The following MSRB3 variants were observed in gnomAD, a reference collection of about 807,000 sequenced individuals.
MSRB3 encodes methionine sulfoxide reductase B3.
MSRB3 carries 13 observed loss-of-function variants against 21.0 expected under a neutral mutation model. The observed-to-expected ratio is 0.62, with a 90% CI of 0.40 to 0.98. The LOEUF (loss-of-function observed/expected upper bound fraction) is 0.98. Ranked by LOEUF, MSRB3 falls within the 50% of genes least tolerant of loss-of-function variation. MSRB3 has a pLI of 0.00. For synonymous variants in MSRB3, 87 were observed against 88.6 expected (o/e 0.98, Z 0.10); for missense variants, 199 against 230.3 (o/e 0.86, Z 0.88).
At chr12:65,453,899 G>T in intron 6 of MSRB3, 74 bp downstream of exon 6, 3 of 1,185,084 alleles carry the variant, frequency 2.5e-6, no homozygotes, top group Non-Finnish European at 3.8e-6. Context: ...AGCAACTAAG[G>T]CCAAGCGACT....
chr12:65,428,566 A>G (rs117421122), intron 5 of MSRB3, among the ~76,000 whole-genome samples: 321 of 152,302 alleles, frequency 2.1e-3, no homozygotes, highest in Non-Finnish European at 3.6e-3. Context: ...CCCTTCCTTA[A>G]TTAAGTGAGT....
chr12:65,451,379 C>G (rs1038870541), intron 5 of MSRB3, among the ~76,000 whole-genome samples: 2 of 152,168 alleles, frequency 1.3e-5, no homozygotes, highest in African/African-American at 4.8e-5. Context: ...GACCTGCACT[C>G]TGTTTCAACC....
chr12:65,401,477 T>A lies in MSRB3; in HGVS notation c.292+32451T>A, dbSNP rs980705092. ...CATTTGCTTGGTAAATCTTCCTCCA[T>A]CCTTTTATTTTGAGCTTATATGTGT... On this transcript the variant is annotated intron_variant, in intron 5 of 6. Coordinates refer to ENST00000308259, the MANE Select transcript of MSRB3 (RefSeq NM_001031679.3). Among the ~76,000 whole-genome samples, 8 of 152,166 alleles carry A rather than the reference T, an allele frequency of 5.3e-5. No individual in the cohort carries two copies. In the East Asian group the frequency reaches 1.5e-3, roughly 29 times the overall value.
intron 1 of MSRB3, chr12:65,279,085 TC>T (rs1565811242): frequency 7.2e-7 from 1 of 1,389,050 alleles, no homozygotes; most frequent in Non-Finnish European, 9.3e-7. Flanking sequence ...AGGGCTGGTT[TC>T]CCCCCACCCG....
intron 6 of MSRB3, chr12:65,454,031 C>A: frequency 1.5e-6 from 1 of 666,442 alleles, no homozygotes; most frequent in East Asian, 2.7e-5. Flanking sequence ...AGCCTGTAAT[C>A]CCATACTTTG....
chr12:65,423,420 G>T (rs955600481), intron 5 of MSRB3, among the ~76,000 whole-genome samples: 3 of 152,104 alleles, frequency 2.0e-5, no homozygotes, highest in African/African-American at 7.2e-5. Flanking sequence ...AGGCACCCTT[G>T]TCTTGTTTCA....
chr12:65,383,713 T>A (rs1262786078), intron 5 of MSRB3, among the ~76,000 whole-genome samples: 1 of 150,466 alleles, frequency 6.6e-6, no homozygotes, highest in Non-Finnish European at 1.5e-5. Context: ...TGGGCTAGAG[T>A]GCAGTGGCAT....
At chr12:65,345,967 G>A (rs1034935576) in intron 4 of MSRB3, among the ~76,000 whole-genome samples, 1 of 151,652 alleles carries the variant, frequency 6.6e-6, no homozygotes, top group Non-Finnish European at 1.5e-5. Flanking sequence ...GCCACATCTT[G>A]TTAATCCAGT....
chr12:65,361,983 G>A (rs1219547476), intron 4 of MSRB3, among the ~76,000 whole-genome samples: 3 of 152,010 alleles, frequency 2.0e-5, no homozygotes, highest in Admixed American at 2.0e-4. Context: ...ATGTAACATA[G>A]AGGCCTAAGT....
chr12:65,453,803 G>A lies in MSRB3; in HGVS notation c.368G>A (p.Arg123Lys), dbSNP rs371970813. ...FTDDFSYGMH[R>K]VETSCSQCGA... Reference sequence around the variant, plus strand: ...GATGACTTTTCCTATGGGATGCACAGGGTGGAAACAAGCTGCTCTCAGGTG... The same window carrying A: ...GATGACTTTTCCTATGGGATGCACAAGGTGGAAACAAGCTGCTCTCAGGTG... The change falls in exon 6 of 7, where the codon AGG becomes AAG. Residue 123 changes from arginine (R) to lysine (K), a missense_variant. Physicochemically the swap from Arg to Lys is conservative, Grantham distance 26. Coordinates refer to ENST00000308259, the MANE Select transcript of MSRB3 (RefSeq NM_001031679.3). 1.2e-6 allele frequency: 2 copies of A among 1,614,066 alleles called. No individual in the cohort carries two copies. The highest frequency in any genetic ancestry group is 1.7e-6 in the Non-Finnish European group (2 of 1,179,968).
At chr12:65,302,843 G>T (rs1374258041) in intron 1 of MSRB3, among the ~76,000 whole-genome samples, 6 of 151,798 alleles carry the variant, frequency 4.0e-5, no homozygotes, top group African/African-American at 1.2e-4. Context: ...TGGTTCTCAT[G>T]ATGAAGTTTC....
intron 4 of MSRB3, among the ~76,000 whole-genome samples, chr12:65,349,783 G>A (rs533526302): frequency 6.6e-6 from 1 of 151,160 alleles, no homozygotes; most frequent in African/African-American, 2.5e-5. Flanking sequence ...AAATTTGTTT[G>A]AGTTCATTGT....
At chr12:65,322,928 T>C (rs1874780108) in intron 2 of MSRB3, among the ~76,000 whole-genome samples, 1 of 152,192 alleles carries the variant, frequency 6.6e-6, no homozygotes, top group Admixed American at 6.5e-5. Flanking sequence ...AGTTTTATTT[T>C]CTTCCTTCAT....
intron 3 of MSRB3, among the ~76,000 whole-genome samples, chr12:65,327,373 C>A (rs1592528447): frequency 6.6e-6 from 1 of 152,202 alleles, no homozygotes; most frequent in Non-Finnish European, 1.5e-5. Flanking sequence ...TTCTACCCAA[C>A]TCCAATTTCT....
intron 5 of MSRB3, among the ~76,000 whole-genome samples, chr12:65,409,475 T>C (rs1315337194): frequency 6.6e-6 from 1 of 152,140 alleles, no homozygotes; most frequent in South Asian, 2.1e-4. Context: ...GATACACTTA[T>C]ATAGATAAAG....
At chr12:65,406,385 A>G (rs923789775) in intron 5 of MSRB3, among the ~76,000 whole-genome samples, 2 of 152,236 alleles carry the variant, frequency 1.3e-5, no homozygotes, top group East Asian at 3.8e-4. Context: ...AAATTTAACT[A>G]AAGAAGTGAA....
chr12:65,402,173 G>A (rs1880164629), intron 5 of MSRB3, among the ~76,000 whole-genome samples: 1 of 152,080 alleles, frequency 6.6e-6, no homozygotes, highest in Non-Finnish European at 1.5e-5. Context: ...GCTAGGTTGG[G>A]GAAGTTCTCC....
intron 5 of MSRB3, chr12:65,418,714 C>G: frequency 1.2e-6 from 1 of 850,100 alleles, no homozygotes; most frequent in South Asian, 1.4e-5. Flanking sequence ...TACCCTGCTT[C>G]TGCTGGCTTA....
intron 5 of MSRB3, among the ~76,000 whole-genome samples, chr12:65,373,245 G>C (rs1411198181): frequency 1.3e-5 from 2 of 152,148 alleles, no homozygotes; most frequent in East Asian, 3.9e-4. Context: ...CTGGGTATAA[G>C]GATATAGGTG....
Sources: gnomAD v4.1 joint callset for allele counts (sites outside exome capture counted in the v4.1 genomes callset) on GRCh38, gnomAD v4.1.1 for gene constraint, MANE v1.5 for transcripts, NCBI Gene and HGNC (gene_info 2026-07-23, HGNC 2026-07-21) for gene names.